The following DCLK1 variants were observed in gnomAD, a reference collection of about 807,000 sequenced individuals.
The protein encoded by DCLK1 is serine/threonine-protein kinase DCLK1.
A neutral mutation model predicts 86.2 loss-of-function variants in DCLK1; 16 were observed. That is an observed-to-expected ratio of 0.19 (90% CI 0.13 to 0.28). DCLK1 has a LOEUF of 0.28. Ranked by LOEUF, DCLK1 falls within the 10% of genes least tolerant of loss-of-function variation. The pLI is 1.00. For synonymous variants in DCLK1, 369 were observed against 370.5 expected, an observed-to-expected ratio of 1.00 and a Z score of 0.05; for missense variants, 590 against 940.2, an observed-to-expected ratio of 0.63 and a Z score of 4.87.
chr13:36,131,449 T>C, upstream of DCLK1: 1 of 168,036 alleles, frequency 6.0e-6, no homozygotes, highest in Non-Finnish European at 1.3e-5. Flanking sequence ...GTCTCCCTCC[T>C]CCTCCTCCTC....
At chr13:35,913,980 T>C (rs1200445170) in intron 4 of DCLK1, among the ~76,000 whole-genome samples, 3 of 152,100 alleles carry the variant, frequency 2.0e-5, no homozygotes, top group African/African-American at 4.8e-5. Context: ...AATTTGGTTA[T>C]GTCAGTTAGT....
chr13:35,910,089 C>T (rs1222958315), intron 4 of DCLK1, among the ~76,000 whole-genome samples: 1 of 152,156 alleles, frequency 6.6e-6, no homozygotes, highest in Non-Finnish European at 1.5e-5. Flanking sequence ...CAAATCCAGA[C>T]ACGTGTTCTC....
intron 4 of DCLK1, among the ~76,000 whole-genome samples, chr13:35,918,227 C>T (rs998842251): frequency 6.6e-6 from 1 of 152,088 alleles, no homozygotes; most frequent in African/African-American, 2.4e-5. Flanking sequence ...GTACTCTTCC[C>T]ACCAAATCCC....
At chr13:35,778,367 C>G (rs1375929013) in intron 16 of DCLK1, among the ~76,000 whole-genome samples, 2 of 152,292 alleles carry the variant, frequency 1.3e-5, no homozygotes, top group Non-Finnish European at 2.9e-5. Flanking sequence ...TCTTCCTTTA[C>G]TGGACACTTG....
chr13:35,890,850 G>T, intron 4 of DCLK1, among the ~76,000 whole-genome samples: 1 of 147,792 alleles, frequency 6.8e-6, no homozygotes. Context: ...CTTGTAAATT[G>T]CCTGTTAATA....
At chr13:35,964,586 T>C (rs761437539) in intron 3 of DCLK1, among the ~76,000 whole-genome samples, 7 of 152,230 alleles carry the variant, frequency 4.6e-5, no homozygotes, top group South Asian at 2.1e-4. Flanking sequence ...TTCAAATCTT[T>C]GTAAACCATT....
Position 35,819,718 on chromosome 13 carries a change from T to C in DCLK1, c.1554+3011A>G, listed in dbSNP as rs145094489. Among the ~76,000 whole-genome samples, 110 of 152,282 alleles carry C rather than the reference T, an allele frequency of 7.2e-4. 1 individual carries two copies. Among genetic ancestry groups the C allele is most frequent in the African/African-American group, 2.6e-3 (107 of 41,570 alleles). On this transcript the variant is annotated intron_variant, in intron 11 of 16. Coordinates refer to ENST00000360631, the MANE Select transcript of DCLK1 (RefSeq NM_001330071.2). ...ATTTTCAAAAAATAGTCTATAGCTT[T>C]ACATTTTGCCATGAGGTGGCAAATC...
At chr13:35,790,208 C>G (rs892525139) in intron 16 of DCLK1, among the ~76,000 whole-genome samples, 1 of 152,146 alleles carries the variant, frequency 6.6e-6, no homozygotes, top group Non-Finnish European at 1.5e-5. Flanking sequence ...AAAAACACTA[C>G]AATTCAGAAC....
At chr13:36,058,646 T>C (rs1020397663) in intron 3 of DCLK1, among the ~76,000 whole-genome samples, 15 of 152,138 alleles carry the variant, frequency 9.9e-5, no homozygotes, top group Non-Finnish European at 1.8e-4. Flanking sequence ...ACCCAGGATT[T>C]GCTATTTGAG....
At chr13:36,084,931 G>T (rs1884541758) in intron 3 of DCLK1, among the ~76,000 whole-genome samples, 1 of 152,068 alleles carries the variant, frequency 6.6e-6, no homozygotes, top group Non-Finnish European at 1.5e-5. Flanking sequence ...ATGAGACTTT[G>T]AAAACAAAAG....
At chr13:35,905,966 ATTTATCTCTTGTGGACAGTATT>A (rs572415834) in intron 4 of DCLK1, among the ~76,000 whole-genome samples, 286 of 152,280 alleles carry the variant, frequency 1.9e-3, no homozygotes, top group Middle Eastern at 3.4e-3. Flanking sequence ...TCTTAATGAG[ATTTATCTCTTGTGGACAGTATT>A]TTTACTTAAA....
intron 3 of DCLK1, among the ~76,000 whole-genome samples, chr13:36,044,043 A>G (rs1443948458): frequency 2.0e-5 from 3 of 152,318 alleles, no homozygotes; most frequent in Non-Finnish European, 4.4e-5. Flanking sequence ...TGATAGGGGC[A>G]GATCCATCAT....
intron 4 of DCLK1, among the ~76,000 whole-genome samples, chr13:35,901,945 G>A (rs1338932817): frequency 6.6e-6 from 1 of 152,076 alleles, no homozygotes; most frequent in Non-Finnish European, 1.5e-5. Flanking sequence ...GGAACTAAGT[G>A]ATGAGAGCCT....
intron 13 of DCLK1, 137 bp from the exon 14 acceptor site, chr13:35,808,457 A>T (rs2087074765): frequency 1.3e-6 from 1 of 790,972 alleles, no homozygotes; most frequent in Non-Finnish European, 2.1e-6. Context: ...CGATTGAAAA[A>T]TGTCAATGTG....
Position 35,774,770 on chromosome 13 carries a change from A to G in DCLK1, c.2059-71T>C, listed in dbSNP as rs2086395461. Reference sequence around the variant, plus strand: ...AATGGCAAAACAAACTCTTTCTAGAACTTTCTGAGGTCAGAAAAAATACAC... The same window carrying G: ...AATGGCAAAACAAACTCTTTCTAGAGCTTTCTGAGGTCAGAAAAAATACAC... On this transcript the variant is annotated intron_variant, in intron 16 of 16. Coordinates refer to ENST00000360631, the MANE Select transcript of DCLK1 (RefSeq NM_001330071.2). 3 of 1,515,198 alleles carry G rather than the reference A, an allele frequency of 2.0e-6. No homozygotes were observed. The African/African-American group carries it at 4.2e-5, about 21-fold the overall frequency. 93.9% of individuals were successfully genotyped at this position (1,515,198 alleles called of 1,614,324 possible). A position where few individuals can be genotyped will look rare whatever the true frequency, so the allele number is the denominator to read the frequency against.
rs374619360 is a variant in DCLK1, at chr13:35,798,197, AG to A, written c.1945-4719del. 4.4e-3 allele frequency among the ~76,000 whole-genome samples: 671 copies of A among 152,220 alleles called. 6 individuals are homozygous for A. Among genetic ancestry groups the A allele is most frequent in the African/African-American group, 0.015 (640 of 41,536 alleles). ...CTGGCCTCCTGGTCTCCATTTCTCTAGGGGTTACTGGGGAAGAGCTGTGGGG... is the reference window on the plus strand; with the variant it reads ...CTGGCCTCCTGGTCTCCATTTCTCTAGGGTTACTGGGGAAGAGCTGTGGGG... On this transcript the variant is annotated intron_variant, in intron 15 of 16. Coordinates refer to ENST00000360631, the MANE Select transcript of DCLK1 (RefSeq NM_001330071.2).
At chr13:36,045,377 T>TATATATATATATATAC (rs568110221) in intron 3 of DCLK1, among the ~76,000 whole-genome samples, 7 of 125,072 alleles carry the variant, frequency 5.6e-5, no homozygotes, top group East Asian at 2.6e-4. Flanking sequence ...TATATATATA[T>TATATATATATATATAC]TTCAAGGTAA....
At chr13:35,934,448 A>C (rs1876640900) in intron 4 of DCLK1, among the ~76,000 whole-genome samples, 1 of 152,246 alleles carries the variant, frequency 6.6e-6, no homozygotes, top group African/African-American at 2.4e-5. Flanking sequence ...GAAGCCTCAC[A>C]ATCATGGCAG....
At chr13:35,890,338 A>G (rs1170661128) in intron 4 of DCLK1, among the ~76,000 whole-genome samples, 1 of 152,174 alleles carries the variant, frequency 6.6e-6, no homozygotes, top group Non-Finnish European at 1.5e-5. Context: ...GATACAAAAC[A>G]TAATATTGAT....
Sources: allele counts gnomAD v4.1 joint callset (sites outside exome capture counted in the v4.1 genomes callset), GRCh38; gene constraint gnomAD v4.1.1; transcripts MANE v1.5; gene names NCBI Gene and HGNC (gene_info 2026-07-23, HGNC 2026-07-21).